The following ADGRF3 variants were observed in gnomAD, a reference collection of about 807,000 sequenced individuals.
The protein encoded by ADGRF3 is G protein-coupled receptor 113.
ADGRF3 carries 85 observed loss-of-function variants against 93.2 expected under a neutral mutation model. That is an observed-to-expected ratio of 0.91 (90% CI 0.77 to 1.09). The LOEUF is 1.09. ADGRF3 is among the 50% of genes least tolerant of loss of function. ADGRF3 has a pLI of 0.00. For synonymous variants in ADGRF3, 534 were observed against 532.5 expected (o/e 1.00, Z -0.04); for missense variants, 1,125 against 1,246.2 (o/e 0.90, Z 1.46).
chr2:26,342,730 T>C (rs1676463768), intron 1 of ADGRF3, among the ~76,000 whole-genome samples: 1 of 152,170 alleles, frequency 6.6e-6, no homozygotes, highest in Non-Finnish European at 1.5e-5. Flanking sequence ...ATGTGGCGTG[T>C]AGAGCACAGA....
At position 26,313,807 on chromosome 2, in the gene ADGRF3, A is replaced by G. The variant is rs201144996; in HGVS notation, c.1025T>C (p.Leu342Pro). Residue 342 changes from leucine to proline, a missense_variant, in exon 7 of 14, where the codon CTG (leucine) becomes CCG (proline). Physicochemically the swap from Leu to Pro is moderately conservative, Grantham distance 98. Coordinates refer to ENST00000651242, the MANE Select transcript of ADGRF3 (RefSeq NM_001321971.2). ...GGGGACCCTGAGTGGAGCCAGGCCC[A>G]GGCTCTGCAGGTCACAAGCGTACGT... ...DTTYACDLQS[L>P]GLAPLRVPIS... 2.5e-6 allele frequency: 4 copies of G among 1,613,896 alleles called. No individual in the cohort carries two copies. Among genetic ancestry groups the G allele is most frequent in the African/African-American group, 1.3e-5 (1 of 74,942 alleles).
At chr2:26,316,116 G>C in intron 4 of ADGRF3, 159 bp downstream of exon 4, 3 of 723,528 alleles carry the variant, frequency 4.1e-6, no homozygotes, top group Non-Finnish European at 6.7e-6. Flanking sequence ...TCCAAGCTCA[G>C]GGCCTGTGAT....
chr2:26,340,356 G>A (rs961676761), intron 1 of ADGRF3: 2 of 152,022 alleles, frequency 1.3e-5, no homozygotes, highest in African/African-American at 4.8e-5. Flanking sequence ...TTATAACAAT[G>A]TTCTTTACTC....
Position 26,346,148 on chromosome 2 carries a change from C to T in ADGRF3, c.87G>A (p.Arg29=), listed in dbSNP as rs1299258770. 1 of 1,605,482 alleles carries T rather than the reference C, an allele frequency of 6.2e-7. No individual in the cohort carries two copies. Among genetic ancestry groups the T allele is most frequent in the Admixed American group, 1.7e-5 (1 of 58,504 alleles). ...TCTCGGGCAGCCCAGTCTTTGCCAT[C>T]CTTGCCCAGCCGGTGTGGTGCTTGT... ...VTHKHHTGWA[R]MAKTGLPEKG... The change falls in exon 1 of 14, where the codon AGG becomes AGA. Residue 29 remains arginine, a synonymous_variant. Coordinates refer to ENST00000651242, the MANE Select transcript of ADGRF3 (RefSeq NM_001321971.2).
chr2:26,332,736 T>C (rs567942569), intron 1 of ADGRF3, among the ~76,000 whole-genome samples: 1 of 151,952 alleles, frequency 6.6e-6, no homozygotes, highest in Non-Finnish European at 1.5e-5. Flanking sequence ...TGACAGTCTG[T>C]CTCAAAAAAT....
At position 26,346,302 on chromosome 2, in the gene ADGRF3, G is replaced by T; in HGVS notation, c.-68C>A. The T allele has an allele frequency of 6.2e-7, 1 of 1,605,756 alleles. No homozygotes were observed. ...TGATAAGTACAAGGTACCGCGGGCC[G>T]GCGGATGCCCCTCTCCCTGCTCCCG... is the stretch of plus-strand genomic sequence containing the variant. On this transcript the variant is annotated 5_prime_UTR_variant, in exon 1 of 14. Coordinates refer to ENST00000651242, the MANE Select transcript of ADGRF3 (RefSeq NM_001321971.2).
Position 26,313,045 on chromosome 2 carries a change from C to T in ADGRF3, c.1347G>A (p.Glu449=). 6.2e-7 allele frequency: 1 copy of T among 1,614,062 alleles called. No homozygotes were observed. Among genetic ancestry groups the T allele is most frequent in the Non-Finnish European group, 8.5e-7 (1 of 1,179,902 alleles). Residue 449 remains glutamate, a synonymous_variant, in exon 9 of 14, where the codon GAG becomes GAA. Transcript: ENST00000651242. The stretch of plus-strand genomic sequence containing the variant: ...TCAGTAAGTCGGAGGGTGAACTTGC[C>T]TCTGCCGCCTGCCCTGGCAGCTGTG... ...ILAQLPGQAA[E]ASSPSDLLTL...
Position 26,313,765 on chromosome 2 carries a change from A to ATGATGG in ADGRF3, c.1061_1066dup (p.Thr354_Ile355dup). The ATGATGG allele has an allele frequency of 1.2e-6, 2 of 1,613,880 alleles. No homozygotes were observed. Among genetic ancestry groups the ATGATGG allele is most frequent in the Non-Finnish European group, 8.5e-7 (1 of 1,179,870 alleles). ...GGGCCCCAGGCCCTGCGTACCCTGG[A>ATGATGG]TGATGGTGATGGAGATGGGGACCCT... is the stretch of plus-strand genomic sequence containing the variant. On this transcript the variant is annotated inframe_insertion, in exon 7 of 14. Coordinates refer to ENST00000651242, the MANE Select transcript of ADGRF3 (RefSeq NM_001321971.2).
Position 26,311,123 on chromosome 2 carries a change from G to A in ADGRF3, c.2401C>T (p.Gln801Ter). Residue 801 changes from glutamine (Q) to a stop codon, truncating the protein, a stop_gained, in exon 10 of 14, where the codon CAG becomes TAG. Transcript: ENST00000651242. LOFTEE classifies it high-confidence loss of function. ...MLAQALVLAH[Q>*]LLFVFHQLAK... ...AGCTGGTGAAAGACAAAGAGCAGCT[G>A]GTGGGCCAACACCAGGGCCTGCGCC... 1 of 1,596,634 alleles carries A rather than the reference G, an allele frequency of 6.3e-7. No homozygotes were observed. The highest frequency in any genetic ancestry group is 8.5e-7 in the Non-Finnish European group (1 of 1,172,002).
At chr2:26,319,162 T>C in intron 1 of ADGRF3, 1 of 1,134,928 alleles carries the variant, frequency 8.8e-7, no homozygotes, top group Non-Finnish European at 1.2e-6. Flanking sequence ...CAGGGCTGAA[T>C]TTACAGAGGA....
At chr2:26,341,111 G>A (rs1183953861) in intron 1 of ADGRF3, among the ~76,000 whole-genome samples, 1 of 152,192 alleles carries the variant, frequency 6.6e-6, no homozygotes, top group Non-Finnish European at 1.5e-5. Context: ...GGGCAAGGTG[G>A]CTCACGCCTG....
chr2:26,315,793 G>A, intron 4 of ADGRF3, 53 bp from the exon 5 acceptor site: 1 of 1,547,356 alleles, frequency 6.5e-7, no homozygotes. Flanking sequence ...ATGGCCCTCA[G>A]ATGCAGCCGA....
rs115726593 is a variant in ADGRF3 at position 26,328,053 on chromosome 2, G to A, written c.115-10491C>T. Among the ~76,000 whole-genome samples, 679 of 152,262 alleles carry A rather than the reference G, an allele frequency of 4.5e-3. 2 individuals are homozygous for A. Among genetic ancestry groups the A allele is most frequent in the African/African-American group, 0.015 (625 of 41,548 alleles). On this transcript the variant is annotated intron_variant, in intron 1 of 13. Coordinates refer to ENST00000651242, the MANE Select transcript of ADGRF3 (RefSeq NM_001321971.2). The stretch of plus-strand genomic sequence containing the variant: ...TAGGAATGGGATTAATGAGCCTTGT[G>A]ATTCGAGACAACCACTTCATCTTTC...
intron 1 of ADGRF3, among the ~76,000 whole-genome samples, chr2:26,341,333 G>A (rs974546657): frequency 2.0e-5 from 3 of 152,074 alleles, no homozygotes; most frequent in Non-Finnish European, 2.9e-5. Context: ...AGCCAAGATC[G>A]CGCCACTGCA....
chr2:26,329,579 G>A (rs917578885), intron 1 of ADGRF3, among the ~76,000 whole-genome samples: 1 of 152,194 alleles, frequency 6.6e-6, no homozygotes, highest in Non-Finnish European at 1.5e-5. Flanking sequence ...TTTTACCTCT[G>A]TAAGATTCAT....
At chr2:26,343,408 G>C (rs965019298) in intron 1 of ADGRF3, among the ~76,000 whole-genome samples, 1 of 151,924 alleles carries the variant, frequency 6.6e-6, no homozygotes, top group African/African-American at 2.4e-5. Flanking sequence ...GGTTCTAATG[G>C]ATCGAATTAG....
At chr2:26,322,329 G>A (rs573720159) in intron 1 of ADGRF3, among the ~76,000 whole-genome samples, 1 of 151,256 alleles carries the variant, frequency 6.6e-6, no homozygotes, top group South Asian at 2.1e-4. Flanking sequence ...AGCTGATGGA[G>A]CTGGAGCTGG....
intron 6 of ADGRF3, 144 bp from the exon 7 acceptor site, chr2:26,314,047 A>G: frequency 9.7e-7 from 1 of 1,031,414 alleles, no homozygotes; most frequent in East Asian, 2.5e-5. Context: ...TGTGGGCTCC[A>G]CTTGGACAGA....
intron 10 of ADGRF3, 137 bp downstream of exon 10, chr2:26,310,555 G>T: frequency 1.2e-6 from 1 of 868,984 alleles, no homozygotes; most frequent in Non-Finnish European, 1.7e-6. Context: ...GGAGGAACTG[G>T]GATCCACACC....
Sources: gnomAD v4.1 joint callset for allele counts (sites outside exome capture counted in the v4.1 genomes callset) on GRCh38, gnomAD v4.1.1 for gene constraint, MANE v1.5 for transcripts, NCBI Gene and HGNC (gene_info 2026-07-23, HGNC 2026-07-21) for gene names.